Variants in MTA3 observed in about 807,000 individuals in gnomAD.
The protein encoded by MTA3 is metastasis-associated protein MTA3.
A neutral mutation model predicts 83.5 loss-of-function variants in MTA3; 34 were observed. That is an observed-to-expected ratio of 0.41 (90% CI 0.31 to 0.54). The LOEUF is 0.54. Ranked by LOEUF, MTA3 falls within the 20% of genes least tolerant of loss-of-function variation. The pLI is 0.33. For synonymous variants in MTA3, 303 were observed against 252.7 expected (o/e 1.20, Z -1.89); for missense variants, 761 against 726.4 (o/e 1.05, Z -0.55).
At chr2:42,729,100 T>TTTTTTTTG (rs1668054946) in intron 16 of MTA3, among the ~76,000 whole-genome samples, 5 of 123,278 alleles carry the variant, frequency 4.1e-5, no homozygotes, top group African/African-American at 1.3e-4. Context: ...TTTTTTTTTT[T>TTTTTTTTG]TTTTTTTTTT....
intron 10 of MTA3, among the ~76,000 whole-genome samples, chr2:42,696,208 C>T (rs1693376665): frequency 1.3e-5 from 2 of 152,136 alleles, no homozygotes; most frequent in South Asian, 4.1e-4. Flanking sequence ...ATGTCATCAG[C>T]CATATAATTT....
At chr2:42,567,484 C>T (rs1356140385), upstream of MTA3, among the ~76,000 whole-genome samples, 1 of 152,158 alleles carries the variant, frequency 6.6e-6, no homozygotes, top group Non-Finnish European at 1.5e-5. Context: ...GTCGACAGCA[C>T]ACAGCTGTGT....
chr2:42,542,936 A>G (rs6544561), intron 2 of MTA3, among the ~76,000 whole-genome samples: 54,366 of 151,744 alleles, frequency 0.36, 9,819 homozygotes, highest in South Asian at 0.41. Flanking sequence ...AACCAGAAAC[A>G]CATCAATCCC....
At chr2:42,588,930 G>T (rs1363646733) in intron 3 of MTA3, among the ~76,000 whole-genome samples, 6 of 152,210 alleles carry the variant, frequency 3.9e-5, no homozygotes, top group African/African-American at 1.4e-4. Context: ...TCCACAGGGA[G>T]GCTGTCTGTT....
chr2:42,583,312 G>A (rs577159898), intron 3 of MTA3, among the ~76,000 whole-genome samples: 1 of 152,288 alleles, frequency 6.6e-6, no homozygotes, highest in African/African-American at 2.4e-5. Flanking sequence ...GAATGGTGGA[G>A]TTAGATGTAT....
chr2:42,575,775 A>G (rs1040736379), intron 2 of MTA3, among the ~76,000 whole-genome samples: 2 of 152,192 alleles, frequency 1.3e-5, no homozygotes, highest in African/African-American at 4.8e-5. Context: ...TAGTAGCTAA[A>G]TTATTGGGTT....
chr2:42,708,163 T>G, intron 13 of MTA3, 109 bp downstream of exon 13: 2 of 1,151,276 alleles, frequency 1.7e-6, no homozygotes, highest in Non-Finnish European at 1.2e-6. Flanking sequence ...GAAAGCTACC[T>G]TTATAGCTAA....
At chr2:42,691,030 C>T (rs1692845871) in intron 9 of MTA3, among the ~76,000 whole-genome samples, 1 of 152,034 alleles carries the variant, frequency 6.6e-6, no homozygotes, top group Non-Finnish European at 1.5e-5. Flanking sequence ...GTACACACCA[C>T]CATGCCCAGC....
intron 4 of MTA3, among the ~76,000 whole-genome samples, chr2:42,635,686 A>C (rs1318688434): frequency 6.6e-6 from 1 of 152,168 alleles, no homozygotes; most frequent in African/African-American, 2.4e-5. Flanking sequence ...GTCAATAAAA[A>C]AATGTCTTTC....
At chr2:42,599,600 GAA>G (rs756030797) in intron 3 of MTA3, among the ~76,000 whole-genome samples, 7 of 151,564 alleles carry the variant, frequency 4.6e-5, no homozygotes, top group Non-Finnish European at 7.4e-5. Flanking sequence ...CAAAAAAAAA[GAA>G]AAGAGTAGTG....
chr2:42,632,341 C>A (rs1006593664), intron 4 of MTA3, among the ~76,000 whole-genome samples: 1 of 151,210 alleles, frequency 6.6e-6, no homozygotes, highest in Non-Finnish European at 1.5e-5. Context: ...CCGCCCACCT[C>A]GGCCTCCCAA....
intron 3 of MTA3, among the ~76,000 whole-genome samples, chr2:42,582,552 C>A (rs1327581566): frequency 6.6e-6 from 1 of 152,020 alleles, no homozygotes; most frequent in African/African-American, 2.4e-5. Flanking sequence ...TTTAGGTAGG[C>A]CAAGTTGGGA....
chr2:42,733,810 T>G (rs1010690389), intron 16 of MTA3, among the ~76,000 whole-genome samples: 1 of 152,130 alleles, frequency 6.6e-6, no homozygotes, highest in Non-Finnish European at 1.5e-5. Flanking sequence ...CAGGAGCATA[T>G]TGTTTAATTT....
chr2:42,657,600 T>A (rs1005404661), intron 7 of MTA3, among the ~76,000 whole-genome samples: 1 of 152,154 alleles, frequency 6.6e-6, no homozygotes, highest in African/African-American at 2.4e-5. Context: ...AGTTGGTTCC[T>A]AGTATGTTTT....
chr2:42,602,021 G>A (rs1161206293), intron 3 of MTA3, among the ~76,000 whole-genome samples: 1 of 152,168 alleles, frequency 6.6e-6, no homozygotes. Flanking sequence ...TGTATTTTTA[G>A]TAGAGGCGGG....
At chr2:42,496,068 T>A (rs1674115859) in intron 2 of MTA3, among the ~76,000 whole-genome samples, 1 of 152,250 alleles carries the variant, frequency 6.6e-6, no homozygotes, top group Non-Finnish European at 1.5e-5. Flanking sequence ...TAGTGCCGAT[T>A]GTTTGCTCTA....
chr2:42,566,877 G>T (rs1558439594), upstream of MTA3, among the ~76,000 whole-genome samples: 1 of 152,192 alleles, frequency 6.6e-6, no homozygotes, highest in Admixed American at 6.6e-5. Flanking sequence ...AGAGGAAAGG[G>T]CTGATTCATA....
intron 2 of MTA3, among the ~76,000 whole-genome samples, chr2:42,531,722 A>G (rs1390357165): frequency 6.6e-6 from 1 of 151,592 alleles, no homozygotes; most frequent in African/African-American, 2.4e-5. Flanking sequence ...AAGTGCTGGC[A>G]TTACAGAAGT....
At chr2:42,507,943 C>CAA (rs200599468) in intron 2 of MTA3, among the ~76,000 whole-genome samples, 2 of 113,534 alleles carry the variant, frequency 1.8e-5, no homozygotes, top group Admixed American at 9.3e-5. Flanking sequence ...GAGTCTGTCT[C>CAA]AAAAAAAAAA....
Sources: gnomAD v4.1 joint callset for allele counts (sites outside exome capture counted in the v4.1 genomes callset) on GRCh38, gnomAD v4.1.1 for gene constraint, MANE v1.5 for transcripts, NCBI Gene and HGNC (gene_info 2026-07-23, HGNC 2026-07-21) for gene names.